The following CEP120 variants were observed in gnomAD, a reference collection of about 807,000 sequenced individuals.
CEP120 encodes centrosomal protein of 120 kDa.
In CEP120, 113 loss-of-function variants were observed where a neutral mutation model predicts 126.5. The observed-to-expected ratio is 0.89, with a 90% CI of 0.77 to 1.04. The LOEUF (loss-of-function observed/expected upper bound fraction) is 1.04. Ranked by LOEUF, CEP120 falls within the 50% of genes least tolerant of loss-of-function variation. The pLI is 0.00. For synonymous variants in CEP120, 400 were observed against 394.3 expected (o/e 1.01, Z -0.17); for missense variants, 1,230 against 1,155.7 (o/e 1.06, Z -0.93).
Position 123,346,640 on chromosome 5 carries a change from C to A in CEP120, c.2840G>T (p.Arg947Leu), listed in dbSNP as rs2303720. 8 of 1,613,792 alleles carry A rather than the reference C, an allele frequency of 5.0e-6. No individual in the cohort carries two copies. In the East Asian group the frequency reaches 1.1e-4, roughly 22 times the overall value. ...LEEGLDDYLT[R>L]LIEERDTLMR... Reference sequence around the variant, plus strand: ...CAAAGTATCCCTTTCTTCTATCAGGCGAGTCAAATAATCATCCAAACCTTC... The same window carrying A: ...CAAAGTATCCCTTTCTTCTATCAGGAGAGTCAAATAATCATCCAAACCTTC... Residue 947 changes from arginine to leucine, a missense_variant, in exon 20 of 20, where the codon CGC (arginine) becomes CTC (leucine). Coordinates refer to ENST00000306467, the MANE Select transcript of CEP120 (RefSeq NM_001375405.1).
intron 4 of CEP120, among the ~76,000 whole-genome samples, chr5:123,399,541 T>TC (rs762895832): frequency 6.6e-6 from 1 of 152,092 alleles, no homozygotes; most frequent in Non-Finnish European, 1.5e-5. Flanking sequence ...AGAAAAGGCA[T>TC]CTAACATAGG....
In CEP120 at chr5:123,398,621, T is replaced by G. The variant is rs1772964494; in HGVS notation, c.612+515A>C. 5.3e-5 allele frequency among the ~76,000 whole-genome samples: 8 copies of G among 152,318 alleles called. No individual in the cohort carries two copies. In the South Asian group the frequency reaches 1.7e-3, roughly 32 times the overall value. ...GGCAACTGAAGGAAATATACCAATA[T>G]TCATGTTCTTGCTCTGCTACTAAGG... On this transcript the variant is annotated intron_variant, in intron 5 of 19. Coordinates refer to ENST00000306467, the MANE Select transcript of CEP120 (RefSeq NM_001375405.1).
chr5:123,355,520 G>A (rs75434608), intron 18 of CEP120, among the ~76,000 whole-genome samples: 108,680 of 152,088 alleles, frequency 0.71, 38,955 homozygotes, highest in African/African-American at 0.75. Context: ...TTTGATTTGC[G>A]TTTCTCTGAT....
At chr5:123,370,139 C>T (rs1770747701) in intron 17 of CEP120, among the ~76,000 whole-genome samples, 1 of 151,946 alleles carries the variant, frequency 6.6e-6, no homozygotes, top group Non-Finnish European at 1.5e-5. Context: ...ATGAAAATAG[C>T]TATAACATGG....
At chr5:123,403,359 T>C (rs1773404299) in intron 4 of CEP120, 2 of 453,840 alleles carry the variant, frequency 4.4e-6, no homozygotes, top group Non-Finnish European at 8.8e-6. Flanking sequence ...AAATATTTGT[T>C]GATAAGTTCA....
At chr5:123,365,450 A>T (rs1271286796) in intron 17 of CEP120, among the ~76,000 whole-genome samples, 1 of 151,752 alleles carries the variant, frequency 6.6e-6, no homozygotes, top group African/African-American at 2.4e-5. Flanking sequence ...GTTACTCTGA[A>T]CCGGTCTAAT....
chr5:123,383,022 T>C lies in CEP120; in HGVS notation c.1824A>G (p.Val608=). The change falls in exon 12 of 20, where the codon GTA becomes GTG. Residue 608 remains valine (V), a synonymous_variant. Transcript: ENST00000306467. ...YTVTLEDYGL[V]KMREIFISDS... ...CAGAGATAAAAATCTCACGCATTTT[T>C]ACTAGTCCATAATCTTCTAGAGTCA... is the stretch of plus-strand genomic sequence containing the variant. 6 of 1,592,412 alleles carry C rather than the reference T, an allele frequency of 3.8e-6. No homozygotes were observed. The highest frequency in any genetic ancestry group is 5.2e-6 in the Non-Finnish European group (6 of 1,162,170).
chr5:123,378,368 G>C lies in CEP120; in HGVS notation c.2164C>G (p.Arg722Gly). ...LQKTLIDLEKREQQLASVESE... is the reference protein window; with the variant it reads ...LQKTLIDLEKGEQQLASVESE... ...TCCACACTAGCAAGCTGCTGCTCTC[G>C]CTTCTCCAAGTCAATTAGAGTTTTT... Residue 722 changes from arginine to glycine, a missense_variant, in exon 15 of 20, where the codon CGA becomes GGA. Transcript: ENST00000306467. The C allele has an allele frequency of 6.2e-7, 1 of 1,606,388 alleles. No individual in the cohort carries two copies. Among genetic ancestry groups the C allele is most frequent in the Non-Finnish European group, 8.5e-7 (1 of 1,177,150 alleles).
At position 123,346,618 on chromosome 5, in the gene CEP120, A is replaced by C; in HGVS notation, c.2862T>G (p.Thr954=). Residue 954 remains threonine (T), a synonymous_variant, in exon 20 of 20, where the codon ACT becomes ACG. Transcript: ENST00000306467. Reference sequence around the variant, plus strand: ...GATTATACACACCCGTTCTCATCAAAGTATCCCTTTCTTCTATCAGGCGAG... The same window carrying C: ...GATTATACACACCCGTTCTCATCAACGTATCCCTTTCTTCTATCAGGCGAG... ...YLTRLIEERD[T]LMRTGVYNHE... 1 of 1,614,010 alleles carries C rather than the reference A, an allele frequency of 6.2e-7. No individual in the cohort carries two copies. The highest frequency in any genetic ancestry group is 1.3e-5 in the African/African-American group (1 of 75,044).
At position 123,385,049 on chromosome 5, in the gene CEP120, G is replaced by A; in HGVS notation, c.1665C>T (p.Asn555=). Residue 555 remains asparagine, a synonymous_variant, in exon 11 of 20, where the codon AAC becomes AAT. Transcript: ENST00000306467. ...LLGIARIQLS[N]ILSSEKTRFL... ...AACGAGTTTTTTCTGAAGACAAGAT[G>A]TTAGAAAGCTGGATTCTCGCAATTC... 8 of 1,613,654 alleles carry A rather than the reference G, an allele frequency of 5.0e-6. No individual in the cohort carries two copies. The highest frequency in any genetic ancestry group is 6.8e-6 in the Non-Finnish European group (8 of 1,179,696).
intron 1 of CEP120, among the ~76,000 whole-genome samples, chr5:123,419,805 T>C (rs1003155658): frequency 3.3e-5 from 5 of 152,214 alleles, no homozygotes; most frequent in Admixed American, 3.3e-4. Context: ...CTAAAAAAAC[T>C]GAGGATCTAG....
At chr5:123,358,221 TAATA>T (rs1379792339) in intron 18 of CEP120, 9 of 152,070 alleles carry the variant, frequency 5.9e-5, no homozygotes. Context: ...AGCAAAGGAA[TAATA>T]AATATCAAAT....
intron 4 of CEP120, among the ~76,000 whole-genome samples, chr5:123,411,041 A>G (rs974815687): frequency 1.3e-5 from 2 of 152,234 alleles, no homozygotes; most frequent in African/African-American, 4.8e-5. Flanking sequence ...AGACACCTCA[A>G]AGAAGATACA....
chr5:123,403,184 G>A (rs1773385832), intron 4 of CEP120: 5 of 431,224 alleles, frequency 1.2e-5, no homozygotes, highest in Admixed American at 2.7e-5. Flanking sequence ...AAAGGGCCTG[G>A]GAACAGTGAC....
intron 18 of CEP120, among the ~76,000 whole-genome samples, chr5:123,358,706 AC>A (rs1769842634): frequency 6.6e-6 from 1 of 150,840 alleles, no homozygotes; most frequent in African/African-American, 2.5e-5. Flanking sequence ...ACACACACAC[AC>A]AAGTTAGAGG....
intron 4 of CEP120, among the ~76,000 whole-genome samples, chr5:123,406,931 A>G (rs1264718659): frequency 1.3e-5 from 2 of 152,024 alleles, no homozygotes; most frequent in African/African-American, 4.8e-5. Context: ...AAATGAAAGC[A>G]ATGATACAAG....
chr5:123,377,565 G>A (rs1023449606), intron 15 of CEP120, 30 bp from the exon 16 acceptor site: 3 of 1,548,450 alleles, frequency 1.9e-6, no homozygotes, highest in Non-Finnish European at 2.6e-6. Flanking sequence ...TAAGAGGTTG[G>A]TTTATTGCTA....
At chr5:123,403,516 T>G (rs74881931) in intron 4 of CEP120, among the ~76,000 whole-genome samples, 5,425 of 152,224 alleles carry the variant, frequency 0.036, 319 homozygotes, top group African/African-American at 0.12. Context: ...AATAAACGAA[T>G]TGAAGGTCTA....
intron 17 of CEP120, among the ~76,000 whole-genome samples, chr5:123,372,031 G>T (rs1036223976): frequency 3.3e-5 from 5 of 152,052 alleles, no homozygotes; most frequent in Admixed American, 2.6e-4. Flanking sequence ...CCTGAACATT[G>T]TTTGTGGAGG....
Sources: allele counts gnomAD v4.1 joint callset (sites outside exome capture counted in the v4.1 genomes callset), GRCh38; gene constraint gnomAD v4.1.1; transcripts MANE v1.5; gene names NCBI Gene and HGNC (gene_info 2026-07-23, HGNC 2026-07-21).